Variants in ADARB2 observed in about 807,000 individuals in gnomAD.
The protein encoded by ADARB2 is inactive double-stranded RNA-specific editase B2.
A neutral mutation model predicts 62.2 loss-of-function variants in ADARB2; 25 were observed. The observed-to-expected ratio is 0.40, with a 90% CI of 0.29 to 0.56. The LOEUF is 0.56. Ranked by LOEUF, ADARB2 falls within the 20% of genes least tolerant of loss-of-function variation. The pLI, the probability that ADARB2 is intolerant of heterozygous loss-of-function variation, is 0.43. For missense variants in ADARB2, 1,071 were observed against 1,077.4 expected, an observed-to-expected ratio of 0.99 and a Z score of 0.08; for synonymous variants, 572 against 500.8, an observed-to-expected ratio of 1.14 and a Z score of -1.90.
intron 1 of ADARB2, among the ~76,000 whole-genome samples, chr10:1,461,089 A>G (rs1405976009): frequency 6.6e-6 from 1 of 152,270 alleles, no homozygotes; most frequent in African/African-American, 2.4e-5. Flanking sequence ...AGTCAACGCA[A>G]TCAACTTCCT....
chr10:1,645,685 C>A (rs958210899), intron 1 of ADARB2, among the ~76,000 whole-genome samples: 2 of 152,112 alleles, frequency 1.3e-5, no homozygotes, highest in South Asian at 2.1e-4. Context: ...TGAGTCCATC[C>A]CTGGCACTTG....
At position 1,256,588 on chromosome 10, in the gene ADARB2, G is replaced by A. The variant is rs918656874; in HGVS notation, c.1193-14289C>T. Among the ~76,000 whole-genome samples the A allele has an allele frequency of 3.3e-5, 5 of 152,266 alleles. No individual in the cohort carries two copies. The South Asian group carries it at 1.0e-3, about 32-fold the overall frequency. ...AAACCTCAAAATACATAGAATTTGG[G>A]GTAGGATACCACATATATCAAAAGA... On this transcript the variant is annotated intron_variant, in intron 4 of 9. Coordinates refer to ENST00000381312, the MANE Select transcript of ADARB2 (RefSeq NM_018702.4).
chr10:1,683,511 A>G (rs1834564701), intron 1 of ADARB2, among the ~76,000 whole-genome samples: 1 of 152,206 alleles, frequency 6.6e-6, no homozygotes, highest in South Asian at 2.1e-4. Context: ...GCTGCAATGC[A>G]CAGGGTCAAG....
chr10:1,526,512 T>C (rs986645455), intron 1 of ADARB2: 1 of 167,744 alleles, frequency 6.0e-6, no homozygotes, highest in Non-Finnish European at 1.3e-5. Context: ...GAGTTCTTGC[T>C]CTGTGTGTTG....
chr10:1,489,008 G>A lies in ADARB2; in HGVS notation c.101-109848C>T, dbSNP rs113253525. Among the ~76,000 whole-genome samples, 864 of 152,344 alleles carry A rather than the reference G, an allele frequency of 5.7e-3. 6 individuals carry two copies. Among genetic ancestry groups the A allele is most frequent in the Middle Eastern group, 0.024 (7 of 292 alleles). On this transcript the variant is annotated intron_variant, in intron 1 of 9. Coordinates refer to ENST00000381312, the MANE Select transcript of ADARB2 (RefSeq NM_018702.4). ...GTGAAGATGGATTGTGCAGCTTCAG[G>A]GGGCACAGGCTCCTGGCCGGGTGCC...
chr10:1,244,673 G>T (rs759093963), intron 4 of ADARB2, among the ~76,000 whole-genome samples: 1 of 152,166 alleles, frequency 6.6e-6, no homozygotes, highest in South Asian at 2.1e-4. Context: ...GGTCAGAAAC[G>T]GCTGCAGCAT....
chr10:1,334,188 G>A (rs950123373), intron 3 of ADARB2, among the ~76,000 whole-genome samples: 1 of 152,184 alleles, frequency 6.6e-6, no homozygotes, highest in East Asian at 1.9e-4. Context: ...AAGAAGCGGC[G>A]GGGTGGCCTA....
At chr10:1,736,975 G>A in intron 1 of ADARB2, 76 bp downstream of exon 1, 1 of 1,455,176 alleles carries the variant, frequency 6.9e-7, no homozygotes, top group Non-Finnish European at 9.5e-7. Context: ...GACAAGCCCG[G>A]AGACCCCATG....
intron 3 of ADARB2, chr10:1,292,981 A>AGAGAGAGAGGGAGGG (rs1564248528): frequency 1.3e-5 from 1 of 77,284 alleles, no homozygotes; most frequent in Non-Finnish European, 2.5e-5. Flanking sequence ...GGAGGGAAGG[A>AGAGAGAGAGGGAGGG]GAGAGAGAGG....
At chr10:1,613,896 C>G (rs1033922198) in intron 1 of ADARB2, among the ~76,000 whole-genome samples, 2 of 152,138 alleles carry the variant, frequency 1.3e-5, no homozygotes, top group Non-Finnish European at 2.9e-5. Context: ...CCAGGCTTTC[C>G]AATTTGATTA....
chr10:1,526,783 T>A (rs1205252212), intron 1 of ADARB2: 1 of 499,900 alleles, frequency 2.0e-6, no homozygotes, highest in Admixed American at 2.0e-5. Context: ...ATGAAGCAGC[T>A]GTTCCCGCCT....
At chr10:1,730,577 TAGAG>T (rs917136270) in intron 1 of ADARB2, among the ~76,000 whole-genome samples, 41 of 152,270 alleles carry the variant, frequency 2.7e-4, no homozygotes, top group African/African-American at 9.9e-4. Flanking sequence ...TTTCACCTCT[TAGAG>T]AGTTGAAATA....
At position 1,444,600 on chromosome 10, in the gene ADARB2, A is replaced by G. The variant is rs564843727; in HGVS notation, c.101-65440T>C. Among the ~76,000 whole-genome samples the G allele has an allele frequency of 1.3e-4, 19 of 141,024 alleles. No homozygotes were observed. The South Asian group carries it at 3.9e-3, about 29-fold the overall frequency. The allele number at this position is 141,024 out of a possible 152,430, so 92.5% of individuals were successfully genotyped here. On this transcript the variant is annotated intron_variant, in intron 1 of 9. Coordinates refer to ENST00000381312, the MANE Select transcript of ADARB2 (RefSeq NM_018702.4). The stretch of plus-strand genomic sequence containing the variant: ...CACTCTATCTATTCACCATCTTTCT[A>G]TCTACCTCCATTCTCCCATCCATCT...
chr10:1,379,295 G>A (rs1261471615), intron 1 of ADARB2, 135 bp from the exon 2 acceptor site: 1 of 674,524 alleles, frequency 1.5e-6, no homozygotes, highest in Non-Finnish European at 2.7e-6. Flanking sequence ...TTTCATTCTG[G>A]TTCAGTCTTT....
intron 3 of ADARB2, among the ~76,000 whole-genome samples, chr10:1,346,013 G>A (rs1832077324): frequency 6.6e-6 from 1 of 152,096 alleles, no homozygotes. Flanking sequence ...TTCCACCACT[G>A]TGTGTATTAT....
intron 4 of ADARB2, among the ~76,000 whole-genome samples, chr10:1,267,442 G>T (rs192502570): frequency 2.0e-5 from 3 of 152,318 alleles, no homozygotes; most frequent in Admixed American, 2.0e-4. Context: ...CAATGATTCC[G>T]GAGATGGTGT....
intron 1 of ADARB2, among the ~76,000 whole-genome samples, chr10:1,483,894 T>G (rs772154595): frequency 2.0e-5 from 3 of 152,194 alleles, no homozygotes; most frequent in Non-Finnish European, 2.9e-5. Flanking sequence ...AAATGAAAAA[T>G]TCCTTTCTTA....
At chr10:1,351,343 A>G (rs1832136537) in intron 3 of ADARB2, among the ~76,000 whole-genome samples, 1 of 151,978 alleles carries the variant, frequency 6.6e-6, no homozygotes, top group Non-Finnish European at 1.5e-5. Flanking sequence ...ACTCCACATT[A>G]CCTTCTTTTC....
Position 1,581,412 on chromosome 10 carries a change from C to T in ADARB2, c.100+155639G>A, listed in dbSNP as rs76735377. ...CCGAGGACAGGAGCTCAGGCGGCCACGTGGCCTCTTCACTCCCAGAGCAGG... is the reference window on the plus strand; with the variant it reads ...CCGAGGACAGGAGCTCAGGCGGCCATGTGGCCTCTTCACTCCCAGAGCAGG... On this transcript the variant is annotated intron_variant, in intron 1 of 9. Transcript: ENST00000381312. Among the ~76,000 whole-genome samples, 141 of 152,348 alleles carry T rather than the reference C, an allele frequency of 9.3e-4. 2 individuals are homozygous for T. In the East Asian group the frequency reaches 0.012, roughly 13 times the overall value.
Sources: allele counts gnomAD v4.1 joint callset (sites outside exome capture counted in the v4.1 genomes callset), GRCh38; gene constraint gnomAD v4.1.1; transcripts MANE v1.5; gene names NCBI Gene and HGNC (gene_info 2026-07-23, HGNC 2026-07-21).